Variants in PKP2 observed in about 807,000 individuals in gnomAD.
PKP2 encodes the protein plakophilin 2.
In PKP2, 73 loss-of-function variants were observed where a neutral mutation model predicts 83.4. That is an observed-to-expected ratio of 0.88 (90% CI 0.72 to 1.06). The LOEUF (loss-of-function observed/expected upper bound fraction) is 1.06. PKP2 is among the 50% of genes least tolerant of loss of function. The pLI is 0.00. For missense variants in PKP2, 966 were observed against 1,065.4 expected (o/e 0.91, Z 1.30); for synonymous variants, 409 against 430.4 (o/e 0.95, Z 0.62).
chr12:32,832,907 T>C (rs1356090597), intron 6 of PKP2, among the ~76,000 whole-genome samples: 1 of 152,190 alleles, frequency 6.6e-6, no homozygotes, highest in Non-Finnish European at 1.5e-5. Flanking sequence ...AAATAAGTCA[T>C]GAGTATTCAG....
intron 4 of PKP2, among the ~76,000 whole-genome samples, chr12:32,868,632 C>G (rs2137918103): frequency 6.6e-6 from 1 of 152,308 alleles, no homozygotes; most frequent in East Asian, 1.9e-4. Flanking sequence ...AAGTGATTCT[C>G]CTGCCTCAGC....
chr12:32,873,315 T>C (rs111679193), intron 3 of PKP2, among the ~76,000 whole-genome samples: 30,602 of 151,606 alleles, frequency 0.2, 3,052 homozygotes, highest in Middle Eastern at 0.25. Flanking sequence ...CCAGGCTGGT[T>C]TCAAATTCCT....
At position 32,878,154 on chromosome 12, in the gene PKP2, CG is replaced by C; in HGVS notation, c.725del (p.Thr242SerfsTer21). On this transcript the variant is annotated frameshift_variant, in exon 3 of 13. Coordinates refer to ENST00000340811, the MANE Select transcript of PKP2 (RefSeq NM_001005242.3). LOFTEE classifies it high-confidence loss of function. ...DSIPANPALL[T>X]YPRPGTSRSM... ...TGCGGCTGGTCCCTGGCCTGGGGTA[CG>C]TGAGCAGGGCCGGGTTGGCAGGGAT... 6.2e-7 allele frequency: 1 copy of C among 1,614,218 alleles called. No homozygotes were observed. The highest frequency in any genetic ancestry group is 8.5e-7 in the Non-Finnish European group (1 of 1,180,044).
At chr12:32,801,675 G>A (rs568868375) in intron 10 of PKP2, among the ~76,000 whole-genome samples, 11 of 152,160 alleles carry the variant, frequency 7.2e-5, no homozygotes, top group African/African-American at 2.4e-4. Context: ...AGAAACGACC[G>A]ATTACAGAGC....
intron 1 of PKP2, among the ~76,000 whole-genome samples, chr12:32,890,507 G>A (rs918219100): frequency 9.2e-5 from 14 of 152,130 alleles, no homozygotes; most frequent in Non-Finnish European, 2.9e-5. Flanking sequence ...AATAGTAATG[G>A]CAGGTTGTGT....
intron 4 of PKP2, among the ~76,000 whole-genome samples, chr12:32,852,945 A>G (rs1432954579): frequency 6.6e-6 from 1 of 152,180 alleles, no homozygotes; most frequent in Admixed American, 6.5e-5. Context: ...TTAGCCAGGC[A>G]TGGTGGTGGG....
At chr12:32,807,316 G>A (rs954321415) in intron 9 of PKP2, among the ~76,000 whole-genome samples, 1 of 152,024 alleles carries the variant, frequency 6.6e-6, no homozygotes, top group African/African-American at 2.4e-5. Context: ...CTTTGCTGGT[G>A]TAAAGTCTGT....
intron 1 of PKP2, among the ~76,000 whole-genome samples, chr12:32,889,797 T>C (rs1957061516): frequency 6.6e-6 from 1 of 152,162 alleles, no homozygotes; most frequent in African/African-American, 2.4e-5. Context: ...AAGCAGACTT[T>C]GGGCCAGGTG....
intron 9 of PKP2, among the ~76,000 whole-genome samples, 190 bp from the exon 10 acceptor site, chr12:32,802,746 C>A (rs1475262632): frequency 1.3e-5 from 2 of 152,086 alleles, no homozygotes; most frequent in Non-Finnish European, 2.9e-5. Flanking sequence ...ACAACCTCCA[C>A]CTCCCAGGTT....
chr12:32,896,625 G>T lies in PKP2; in HGVS notation c.107C>A (p.Ala36Asp). The change falls in exon 1 of 13, where the codon GCC (alanine) becomes GAC (aspartate). Residue 36 changes from alanine (A) to aspartate (D), a missense_variant. Ala to Asp is a moderately radical substitution (Grantham distance 126, BLOSUM62 -2). Transcript: ENST00000340811. ...GCTGCTCCCCGCCAGCTTCAGCTTG[G>T]CCTCGGAGGGCAGCGCCAGGCTGGA... is the stretch of plus-strand genomic sequence containing the variant. The part of the protein sequence containing the change: ...DSSSLALPSE[A>D]KLKLAGSSGR... The T allele has an allele frequency of 6.3e-7, 1 of 1,581,190 alleles. No individual in the cohort carries two copies.
intron 9 of PKP2, among the ~76,000 whole-genome samples, chr12:32,819,309 AATAC>A (rs1263713601): frequency 4.5e-5 from 6 of 131,970 alleles, no homozygotes; most frequent in African/African-American, 1.7e-4. Context: ...AATACAATAC[AATAC>A]AATAAAATAA....
intron 5 of PKP2, among the ~76,000 whole-genome samples, chr12:32,846,336 T>TG (rs1956644586): frequency 1.3e-5 from 2 of 150,656 alleles, no homozygotes; most frequent in South Asian, 2.1e-4. Context: ...CTCACCGGGG[T>TG]GGGGGGAGTG....
chr12:32,812,562 GCATGATCTTGGCTCA>G (rs879487254), intron 9 of PKP2, among the ~76,000 whole-genome samples: 13 of 152,084 alleles, frequency 8.5e-5, no homozygotes, highest in Non-Finnish European at 1.8e-4. Flanking sequence ...GAGTGCAGTG[GCATGATCTTGGCTCA>G]CTGCAACCTC....
At chr12:32,844,158 T>C (rs1956625570) in intron 5 of PKP2, among the ~76,000 whole-genome samples, 1 of 152,226 alleles carries the variant, frequency 6.6e-6, no homozygotes, top group Non-Finnish European at 1.5e-5. Flanking sequence ...AGTTTCAGCA[T>C]AATTTTAGAA....
At position 32,896,539 on chromosome 12, in the gene PKP2, C is replaced by T; in HGVS notation, c.193G>A (p.Ala65Thr). 1.9e-6 allele frequency: 3 copies of T among 1,572,932 alleles called. No homozygotes were observed. The highest frequency in any genetic ancestry group is 1.1e-5 in the South Asian group (1 of 88,008). ...CCCACGGAGCTGCGGCCCTTCCGGGCGAGGGTCTGCTGCACCTGCTCCTGG... is the reference window on the plus strand; with the variant it reads ...CCCACGGAGCTGCGGCCCTTCCGGGTGAGGGTCTGCTGCACCTGCTCCTGG... ...RIQEQVQQTL[A>T]RKGRSSVGNG... Residue 65 changes from alanine (A) to threonine (T), a missense_variant, in exon 1 of 13, where the codon GCC becomes ACC. Coordinates refer to ENST00000340811, the MANE Select transcript of PKP2 (RefSeq NM_001005242.3).
At chr12:32,846,739 T>A (rs1347610175) in intron 5 of PKP2, among the ~76,000 whole-genome samples, 6 of 87,886 alleles carry the variant, frequency 6.8e-5, no homozygotes, top group African/African-American at 2.7e-4. Context: ...GAATGAAACT[T>A]CTTCTCAAAA....
chr12:32,855,496 G>A (rs934324464), intron 4 of PKP2, among the ~76,000 whole-genome samples: 6 of 152,176 alleles, frequency 3.9e-5, no homozygotes, highest in South Asian at 4.2e-4. Context: ...GAATAAGGCC[G>A]GGCATGATGG....
At chr12:32,805,959 TC>T (rs1169399734) in intron 9 of PKP2, among the ~76,000 whole-genome samples, 1 of 152,212 alleles carries the variant, frequency 6.6e-6, no homozygotes, top group Non-Finnish European at 1.5e-5. Context: ...CTTTTCTGCA[TC>T]TATTGAGATC....
At chr12:32,859,513 C>T (rs1037789630) in intron 4 of PKP2, among the ~76,000 whole-genome samples, 1 of 151,984 alleles carries the variant, frequency 6.6e-6, no homozygotes, top group Non-Finnish European at 1.5e-5. Context: ...CTGAAGTACA[C>T]TGGCATGATC....
Sources: gnomAD v4.1 joint callset for allele counts (sites outside exome capture counted in the v4.1 genomes callset) on GRCh38, gnomAD v4.1.1 for gene constraint, MANE v1.5 for transcripts, NCBI Gene and HGNC (gene_info 2026-07-23, HGNC 2026-07-21) for gene names.